Variants in TYK2 observed in about 807,000 individuals in gnomAD.
TYK2 encodes the protein non-receptor tyrosine-protein kinase TYK2.
Under a neutral mutation model 130.9 loss-of-function variants are expected in TYK2, and 65 were observed. The observed-to-expected ratio is 0.50, with a 90% CI of 0.41 to 0.61. TYK2 has a LOEUF of 0.61. Ranked by LOEUF, TYK2 falls within the 20% of genes least tolerant of loss-of-function variation. The pLI, the probability that TYK2 is intolerant of heterozygous loss-of-function variation, is 0.00. For synonymous variants in TYK2, 647 were observed against 658.9 expected (o/e 0.98, Z 0.28); for missense variants, 1,378 against 1,610.7 (o/e 0.86, Z 2.47).
chr19:10,352,933 C>A lies in TYK2; in HGVS notation c.3193G>T (p.Val1065Leu). Residue 1065 changes from valine (V) to leucine (L), a missense_variant, in exon 22 of 25, where the codon GTG becomes TTG. Transcript: ENST00000525621. ...TGCACCCCGCCTGGTCACCAGAACA[C>A]GGGGCTGTCCCCATCCTCGCGCACG... ...YRVREDGDSP[V>L]FWYAPECLKE... 6.2e-7 allele frequency: 1 copy of A among 1,606,636 alleles called. No individual in the cohort carries two copies. Among genetic ancestry groups the A allele is most frequent in the Non-Finnish European group, 8.5e-7 (1 of 1,176,936 alleles).
In TYK2 at chr19:10,354,558, G is replaced by A. The variant is rs1303144673; in HGVS notation, c.2669C>T (p.Thr890Met). 1.9e-6 allele frequency: 3 copies of A among 1,613,902 alleles called. No individual in the cohort carries two copies. The highest frequency in any genetic ancestry group is 1.7e-6 in the Non-Finnish European group (2 of 1,180,032). The change falls in exon 19 of 25, where the codon ACG becomes ATG. Residue 890 changes from threonine (T) to methionine (M), a missense_variant. Coordinates refer to ENST00000525621, the MANE Select transcript of TYK2 (RefSeq NM_003331.5). ...VNPDSPASDPTVFHKRYLKKI... is the reference protein window; with the variant it reads ...VNPDSPASDPMVFHKRYLKKI... Reference sequence around the variant, plus strand: ...TTTCAAATAGCGCTTGTGGAAAACCGTAGGGTCCGACGCCGGTGAGTCCGG... The same window carrying A: ...TTTCAAATAGCGCTTGTGGAAAACCATAGGGTCCGACGCCGGTGAGTCCGG...
At chr19:10,354,701 A>C (rs2040998231) in intron 18 of TYK2, 92 bp from the exon 19 acceptor site, 4 of 1,051,668 alleles carry the variant, frequency 3.8e-6, no homozygotes, top group Non-Finnish European at 5.9e-6. Context: ...CAGCTACCCC[A>C]GGATCCGATT....
Position 10,365,985 on chromosome 19 carries a change from G to A in TYK2, c.630-87C>T, listed in dbSNP as rs983747306. 2.9e-6 allele frequency: 4 copies of A among 1,378,592 alleles called. No individual in the cohort carries two copies. The African/African-American group carries it at 4.3e-5, about 15-fold the overall frequency. 85.4% of individuals were successfully genotyped at this position (1,378,592 alleles called of 1,614,324 possible). On this transcript the variant is annotated intron_variant, in intron 6 of 24. Transcript: ENST00000525621. Reference sequence around the variant, plus strand: ...ACAGGGCAAGTGGCTTAACCTCTTTGAGCCTCAGCTGCCTCATCTGGAAAA... The same window carrying A: ...ACAGGGCAAGTGGCTTAACCTCTTTAAGCCTCAGCTGCCTCATCTGGAAAA...
Position 10,364,953 on chromosome 19 carries a change from C to T in TYK2, c.1107G>A (p.Pro369=), listed in dbSNP as rs377353763. The change falls in exon 8 of 25, where the codon CCG becomes CCA. Residue 369 remains proline (P), a synonymous_variant. Transcript: ENST00000525621. The surrounding 1 kb of genome is among the most constrained non-coding windows in gnomAD (Gnocchi z 4.9). ...HKAVGQPADR[P]REPLWAYFCD... is the part of the protein sequence containing the mutation. ...AGAAGTAGGCCCACAGTGGCTCCCGCGGCCTGTCTGCCGGCTGGCCGACTG... is the reference window on the plus strand; with the variant it reads ...AGAAGTAGGCCCACAGTGGCTCCCGTGGCCTGTCTGCCGGCTGGCCGACTG... 7.8e-5 allele frequency: 126 copies of T among 1,614,020 alleles called. No individual in the cohort carries two copies. Among genetic ancestry groups the T allele is most frequent in the East Asian group, 1.3e-4 (6 of 44,904 alleles).
chr19:10,374,901 AGTCATGG>A (rs1219340460), intron 3 of TYK2, among the ~76,000 whole-genome samples: 1 of 151,840 alleles, frequency 6.6e-6, no homozygotes, highest in Non-Finnish European at 1.5e-5. Context: ...AAAAAAAATC[AGTCATGG>A]CCAGGCGCGA....
At position 10,359,326 on chromosome 19, in the gene TYK2, G is replaced by A. The variant is rs777098777; in HGVS notation, c.2048-24C>T. ...ATCTGTAAAGACACAGCTGCTCTGG[G>A]GCAACCTGCCTGCTTCTGCCCTCTG... On this transcript the variant is annotated intron_variant, in intron 14 of 24. Coordinates refer to ENST00000525621, the MANE Select transcript of TYK2 (RefSeq NM_003331.5). 8 of 1,607,954 alleles carry A rather than the reference G, an allele frequency of 5.0e-6. No homozygotes were observed. In the South Asian group the frequency reaches 8.8e-5, roughly 18 times the overall value.
chr19:10,371,217 C>T (rs1328649772), intron 3 of TYK2, among the ~76,000 whole-genome samples: 1 of 151,702 alleles, frequency 6.6e-6, no homozygotes, highest in Non-Finnish European at 1.5e-5. Flanking sequence ...CCTCCCACCT[C>T]AGCCTCCTGA....
intron 3 of TYK2, among the ~76,000 whole-genome samples, chr19:10,369,045 G>A (rs2041801917): frequency 6.6e-6 from 1 of 152,166 alleles, no homozygotes. Flanking sequence ...CTGACCTCAG[G>A]TGATCTGCCC....
In TYK2 at chr19:10,356,659, G is replaced by C. The variant is rs1197345466; in HGVS notation, c.2526C>G (p.Ala842=). 6.2e-7 allele frequency: 1 copy of C among 1,612,936 alleles called. No homozygotes were observed. Among genetic ancestry groups the C allele is most frequent in the South Asian group, 1.1e-5 (1 of 90,948 alleles). ...RLPEPSCPQL[A]TLTSQCLTYE... ...AGGTCAGACACTGGCTGGTGAGTGT[G>C]GCCAGCTGTGGGCAGGAGGGCTCGG... Residue 842 remains alanine, a synonymous_variant, in exon 18 of 25, where the codon GCC becomes GCG. Coordinates refer to ENST00000525621, the MANE Select transcript of TYK2 (RefSeq NM_003331.5).
At chr19:10,376,468 T>C (rs1777641372) in intron 3 of TYK2, among the ~76,000 whole-genome samples, 1 of 131,296 alleles carries the variant, frequency 7.6e-6, no homozygotes, top group African/African-American at 3.1e-5. Flanking sequence ...CCACCATGCC[T>C]GGCTACATTT....
At chr19:10,380,348 C>G (rs2042319330) in intron 1 of TYK2, 32 bp downstream of exon 1, 1 of 152,534 alleles carries the variant, frequency 6.6e-6, no homozygotes, top group South Asian at 2.1e-4. Flanking sequence ...TAAACCCGGC[C>G]GGCAACGGCG....
Position 10,365,534 on chromosome 19 carries a change from C to T in TYK2, c.994G>A (p.Glu332Lys), listed in dbSNP as rs769463058. Residue 332 changes from glutamate (E) to lysine (K), a missense_variant, in exon 7 of 25, where the codon GAG becomes AAG. Glu to Lys is a moderately conservative substitution (Grantham distance 56). Transcript: ENST00000525621. ...GGIQWWPVEE[E>K]VNKEEGSSGS... ...TTGCTCACCTCCTCCTTGTTCACCT[C>T]CTCCTCTACTGGCCACCACTGGATG... 4 of 1,613,942 alleles carry T rather than the reference C, an allele frequency of 2.5e-6. No individual in the cohort carries two copies. The East Asian group carries it at 8.9e-5, about 36-fold the overall frequency.
At chr19:10,366,733 T>TAAAAA (rs750662938) in intron 5 of TYK2, among the ~76,000 whole-genome samples, 153 bp from the exon 6 acceptor site, 2 of 101,916 alleles carry the variant, frequency 2.0e-5, no homozygotes, top group Non-Finnish European at 2.1e-5. Context: ...GCTGATGAGC[T>TAAAAA]AAAAAAAAAA....
intron 3 of TYK2, among the ~76,000 whole-genome samples, chr19:10,371,006 G>A (rs1445455160): frequency 6.6e-6 from 1 of 151,670 alleles, no homozygotes; most frequent in Non-Finnish European, 1.5e-5. Context: ...AATTAGCCAG[G>A]TGTGGCTGGA....
Position 10,354,582 on chromosome 19 carries a change from G to A in TYK2, c.2645C>T (p.Pro882Leu), listed in dbSNP as rs1140385. The A allele has an allele frequency of 5.6e-6, 9 of 1,613,910 alleles. No individual in the cohort carries two copies. The highest frequency in any genetic ancestry group is 2.2e-5 in the East Asian group (1 of 44,892). The change falls in exon 19 of 25, where the codon CCG (proline) becomes CTG (leucine). Residue 882 changes from proline to leucine, a missense_variant. Coordinates refer to ENST00000525621, the MANE Select transcript of TYK2 (RefSeq NM_003331.5). ...HNLADVLTVNPDSPASDPTVF... is the reference protein window; with the variant it reads ...HNLADVLTVNLDSPASDPTVF... ...CGTAGGGTCCGACGCCGGTGAGTCC[G>A]GGTTCACAGTCAAGACGTCAGCAAG...
chr19:10,379,315 T>A (rs2042286446), intron 2 of TYK2, among the ~76,000 whole-genome samples: 1 of 151,384 alleles, frequency 6.6e-6, no homozygotes, highest in South Asian at 2.1e-4. Context: ...GGTGACAGAG[T>A]GAGACCCTGA....
rs779011888 is a variant in TYK2, at chr19:10,353,123, G to A, written c.3028-25C>T. 20 of 1,481,522 alleles carry A rather than the reference G, an allele frequency of 1.3e-5. No homozygotes were observed. Among genetic ancestry groups the A allele is most frequent in the Non-Finnish European group, 1.7e-5 (19 of 1,112,708 alleles). 91.8% of individuals were successfully genotyped at this position (1,481,522 alleles called of 1,614,324 possible). A position where few individuals can be genotyped will look rare whatever the true frequency, so the allele number is the denominator to read the frequency against. ...CCTGGGGACGGGGCAGGGCTCGTGA[G>A]TTTCAGTGGGGCGGGGTTCGGCCGG... On this transcript the variant is annotated intron_variant, in intron 21 of 24. Coordinates refer to ENST00000525621, the MANE Select transcript of TYK2 (RefSeq NM_003331.5). The surrounding 1 kb of genome is among the most constrained non-coding windows in gnomAD (Gnocchi z 6.9).
intron 3 of TYK2, among the ~76,000 whole-genome samples, chr19:10,372,458 C>CTATA (rs569826524): frequency 0.014 from 642 of 45,928 alleles, 28 homozygotes; most frequent in African/African-American, 0.021. Context: ...CCACACACAG[C>CTATA]TATATATATA....
chr19:10,360,879 A>C (rs2041367856), intron 14 of TYK2: 1 of 216,508 alleles, frequency 4.6e-6, no homozygotes, highest in Admixed American at 5.4e-5. Context: ...CAGCCTCACA[A>C]GTAGCTAGGA....
Sources: allele counts gnomAD v4.1 joint callset (sites outside exome capture counted in the v4.1 genomes callset), GRCh38; gene constraint gnomAD v4.1.1; non-coding constraint Gnocchi (gnomAD v3.1); transcripts MANE v1.5; gene names NCBI Gene and HGNC (gene_info 2026-07-23, HGNC 2026-07-21).